The following HSD17B12 variants were observed in gnomAD, a reference collection of about 807,000 sequenced individuals.
HSD17B12 encodes very-long-chain 3-oxoacyl-CoA reductase.
HSD17B12 carries 32 observed loss-of-function variants against 39.3 expected under a neutral mutation model. The observed-to-expected ratio is 0.81, with a 90% confidence interval of 0.61 to 1.09. The LOEUF (loss-of-function observed/expected upper bound fraction) is 1.09. Ranked by LOEUF, HSD17B12 falls within the 50% of genes least tolerant of loss-of-function variation. The probability of loss-of-function intolerance (pLI) is 0.00; values close to 1 mark genes in which losing one functional copy is unlikely to be tolerated. For missense variants in HSD17B12, 342 were observed against 382.9 expected, an observed-to-expected ratio of 0.89 and a Z score of 0.89; for synonymous variants, 150 against 146.7, an observed-to-expected ratio of 1.02 and a Z score of -0.16.
At chr11:43,702,926 C>G (rs573327865) in intron 1 of HSD17B12, among the ~76,000 whole-genome samples, 1 of 152,258 alleles carries the variant, frequency 6.6e-6, no homozygotes, top group South Asian at 2.1e-4. Context: ...CTGGACACCT[C>G]TGTTCTAATG....
chr11:43,660,864 C>T, the HSD17B12 span, among the ~76,000 whole-genome samples: 1 of 152,186 alleles, frequency 6.6e-6, no homozygotes. Context: ...CTGGCTTATG[C>T]CTGTAATCCC....
At chr11:43,777,833 A>T (rs565679338) in intron 3 of HSD17B12, among the ~76,000 whole-genome samples, 39 of 152,336 alleles carry the variant, frequency 2.6e-4, no homozygotes, top group African/African-American at 9.4e-4. Flanking sequence ...CATTCAAAGC[A>T]CTGTGTAGAG....
chr11:43,608,114 A>G, the HSD17B12 span, among the ~76,000 whole-genome samples: 1 of 152,198 alleles, frequency 6.6e-6, no homozygotes, highest in East Asian at 1.9e-4. Flanking sequence ...CACGTCTGCA[A>G]TCCCAATACT....
chr11:43,748,460 GAGGGTGGAGGGAA>G (rs766049439), intron 1 of HSD17B12, among the ~76,000 whole-genome samples: 3 of 152,142 alleles, frequency 2.0e-5, no homozygotes, highest in Non-Finnish European at 2.9e-5. Context: ...TGGTCTACTA[GAGGGTGGAGGGAA>G]AGGGGGTGAG....
intron 1 of HSD17B12, among the ~76,000 whole-genome samples, chr11:43,722,525 A>G (rs1013285966): frequency 2.0e-5 from 3 of 152,144 alleles, no homozygotes; most frequent in African/African-American, 4.8e-5. Context: ...CAGCCTGGCC[A>G]ACATAGTGAG....
chr11:43,662,377 T>TTGTGTGTGTGTGTG, the HSD17B12 span, among the ~76,000 whole-genome samples: 189 of 128,520 alleles, frequency 1.5e-3, 1 homozygote, highest in African/African-American at 4.2e-3. Context: ...TTTATTTTAT[T>TTGTGTGTGTGTGTG]TGTGTGTGTG....
At chr11:43,605,134 C>T in the HSD17B12 span, among the ~76,000 whole-genome samples, 1 of 152,082 alleles carries the variant, frequency 6.6e-6, no homozygotes, top group Non-Finnish European at 1.5e-5. Context: ...AGATAATTCC[C>T]CGGGATTTCT....
chr11:43,792,734 G>A (rs1042222752), intron 3 of HSD17B12, among the ~76,000 whole-genome samples: 27 of 134,838 alleles, frequency 2.0e-4, no homozygotes, highest in Non-Finnish European at 3.2e-4. Context: ...TGTTGTCCTG[G>A]CTGGTCTCAA....
the HSD17B12 span, among the ~76,000 whole-genome samples, chr11:43,633,900 C>A: frequency 6.6e-6 from 1 of 151,472 alleles, no homozygotes; most frequent in South Asian, 2.1e-4. Flanking sequence ...CATGGAGAAA[C>A]CCCATCTCTA....
chr11:43,775,572 C>A (rs1482220934), intron 3 of HSD17B12, among the ~76,000 whole-genome samples: 1 of 151,736 alleles, frequency 6.6e-6, no homozygotes, highest in Non-Finnish European at 1.5e-5. Context: ...CTTTTATTTG[C>A]AACTCAAATT....
chr11:43,583,786 G>A, the HSD17B12 span, among the ~76,000 whole-genome samples: 1 of 152,160 alleles, frequency 6.6e-6, no homozygotes, highest in African/African-American at 2.4e-5. Flanking sequence ...CCAGGCACTT[G>A]CATGTGATGC....
At chr11:43,774,815 A>G (rs565735592) in intron 3 of HSD17B12, among the ~76,000 whole-genome samples, 18 of 152,338 alleles carry the variant, frequency 1.2e-4, no homozygotes, top group African/African-American at 4.3e-4. Flanking sequence ...ACCTTCAGGT[A>G]TATACACCCC....
intron 6 of HSD17B12, among the ~76,000 whole-genome samples, chr11:43,827,570 A>G (rs1464231): frequency 0.32 from 48,958 of 152,026 alleles, 9,586 homozygotes; most frequent in East Asian, 0.69. Flanking sequence ...ACAATGCAAG[A>G]TTGTTGCCAA....
At chr11:43,785,007 A>G (rs565752831) in intron 3 of HSD17B12, among the ~76,000 whole-genome samples, 2 of 152,256 alleles carry the variant, frequency 1.3e-5, no homozygotes, top group East Asian at 1.9e-4. Flanking sequence ...TCTTAAGGCT[A>G]TTGGTCTCTC....
chr11:43,843,682 C>G (rs1951447986), intron 9 of HSD17B12, among the ~76,000 whole-genome samples: 1 of 152,166 alleles, frequency 6.6e-6, no homozygotes, highest in South Asian at 2.1e-4. Context: ...CCTATTTGCA[C>G]CTGAACCCTA....
At chr11:43,638,398 G>A in the HSD17B12 span, among the ~76,000 whole-genome samples, 2 of 151,990 alleles carry the variant, frequency 1.3e-5, no homozygotes, top group Non-Finnish European at 2.9e-5. Context: ...AGTAGAGTGG[G>A]TAAGGCAGTG....
chr11:43,681,833 C>A lies in HSD17B12; in HGVS notation c.160+846C>A, dbSNP rs535052417. ...TGCAGGGAAGTTTTGCTCCCCCCCC[C>A]CTTTTTTTTTTCTTTTTCAACCTAT... On this transcript the variant is annotated intron_variant, in intron 1 of 10. Transcript: ENST00000278353. Among the ~76,000 whole-genome samples the A allele has an allele frequency of 1.9e-4, 27 of 142,988 alleles. No homozygotes were observed. In the South Asian group the frequency reaches 5.8e-3, roughly 31 times the overall value. 93.8% of individuals were successfully genotyped at this position (142,988 alleles called of 152,430 possible).
chr11:43,658,037 T>C, the HSD17B12 span, among the ~76,000 whole-genome samples: 24 of 152,338 alleles, frequency 1.6e-4, no homozygotes, highest in African/African-American at 5.8e-4. Flanking sequence ...GTACACCAAT[T>C]AGACGTAGAT....
chr11:43,814,239 T>C (rs1029670501), intron 4 of HSD17B12, among the ~76,000 whole-genome samples: 15 of 152,134 alleles, frequency 9.9e-5, no homozygotes, highest in Non-Finnish European at 2.2e-4. Flanking sequence ...GCCTAGTCTC[T>C]GAAGTCAAAT....
Sources: gnomAD v4.1 joint callset for allele counts (sites outside exome capture counted in the v4.1 genomes callset) on GRCh38, gnomAD v4.1.1 for gene constraint, MANE v1.5 for transcripts, NCBI Gene and HGNC (gene_info 2026-07-23, HGNC 2026-07-21) for gene names.